The following LPA variants were observed in gnomAD, a reference collection of about 807,000 sequenced individuals.
LPA encodes apolipoprotein(a).
LPA carries 199 observed loss-of-function variants against 197.9 expected under a neutral mutation model. The observed-to-expected ratio is 1.01, with a 90% CI of 0.90 to 1.13. The LOEUF (loss-of-function observed/expected upper bound fraction) is 1.13. Among genes scored for constraint, LPA ranks in the 50% most tolerant of loss-of-function variants. The probability of loss-of-function intolerance (pLI) is 0.00; values close to 1 mark genes in which losing one functional copy is unlikely to be tolerated. For synonymous variants in LPA, 715 were observed against 639.5 expected (o/e 1.12, Z -1.78); for missense variants, 1,853 against 1,785.8 (o/e 1.04, Z -0.68).
Position 160,531,872 on chromosome 6 carries a change from G to C in LPA, c.5980C>G (p.Leu1994Val), listed in dbSNP as rs897240051. 19 of 1,613,942 alleles carry C rather than the reference G, an allele frequency of 1.2e-5. No homozygotes were observed. The highest frequency in any genetic ancestry group is 1.6e-5 in the Non-Finnish European group (19 of 1,179,996). The change falls in exon 39 of 39, where the codon CTG becomes GTG. Residue 1994 changes from leucine (L) to valine (V), a missense_variant. Transcript: ENST00000316300. Reference sequence around the variant, plus strand: ...TATTTGTCCTTCTCGAAGCAAACCAGAGGCCCTCCACTGTCACCCTAAACA... The same window carrying C: ...TATTTGTCCTTCTCGAAGCAAACCACAGGCCCTCCACTGTCACCCTAAACA... ...DSCQGDSGGP[L>V]VCFEKDKYIL...
intron 20 of LPA, among the ~76,000 whole-genome samples, chr6:160,596,853 G>A (rs1562337486): frequency 6.6e-6 from 1 of 152,140 alleles, no homozygotes; most frequent in Non-Finnish European, 1.5e-5. Context: ...GACATTCACT[G>A]CATCTCCTAA....
intron 28 of LPA, among the ~76,000 whole-genome samples, chr6:160,569,938 C>T (rs1187794369): frequency 6.6e-6 from 1 of 152,100 alleles, no homozygotes; most frequent in African/African-American, 2.4e-5. Context: ...CAATGAGATA[C>T]CATCTCATAC....
chr6:160,555,566 T>C (rs1778248998), intron 30 of LPA, among the ~76,000 whole-genome samples: 1 of 150,034 alleles, frequency 6.7e-6, no homozygotes, highest in East Asian at 1.9e-4. Flanking sequence ...TGTATATATA[T>C]ACATACTAGT....
intron 30 of LPA, among the ~76,000 whole-genome samples, chr6:160,552,064 C>T (rs967719482): frequency 6.6e-6 from 1 of 152,062 alleles, no homozygotes; most frequent in Admixed American, 6.6e-5. Context: ...ATGTGCAAGT[C>T]ATCACATCGA....
chr6:160,534,059 C>T (rs1777846581), intron 37 of LPA, among the ~76,000 whole-genome samples: 1 of 152,106 alleles, frequency 6.6e-6, no homozygotes, highest in Non-Finnish European at 1.5e-5. Context: ...CCCCAAAGCC[C>T]TTGACTGCAC....
chr6:160,563,183 C>T (rs76504842), intron 28 of LPA, among the ~76,000 whole-genome samples: 25 of 151,954 alleles, frequency 1.6e-4, no homozygotes, highest in Admixed American at 1.5e-3. Flanking sequence ...AGATCTTTCC[C>T]GCTTTCTCCT....
At chr6:160,605,353 A>G in intron 17 of LPA, 148 bp from the exon 18 acceptor site, 1 of 1,013,952 alleles carries the variant, frequency 9.9e-7, no homozygotes, top group Non-Finnish European at 1.5e-6. Context: ...CTTTATTTGT[A>G]GGCAGATGGA....
rs555197263 is a variant in LPA, at chr6:160,634,570, T to A, written c.1075+553A>T. Among the ~76,000 whole-genome samples the A allele has an allele frequency of 1.6e-3, 223 of 142,912 alleles. 1 individual carries two copies. The highest frequency in any genetic ancestry group is 3.4e-3 in the East Asian group (17 of 5,044). The allele number at this position is 142,912 out of a possible 152,430, so 93.8% of individuals were successfully genotyped here. ...GGTACAAGTGCCATCAGAAAGAGGTTTAAGAACACTGAGAAATCACTCCCT... is the reference window on the plus strand; with the variant it reads ...GGTACAAGTGCCATCAGAAAGAGGTATAAGAACACTGAGAAATCACTCCCT... On this transcript the variant is annotated intron_variant, in intron 7 of 38. Coordinates refer to ENST00000316300, the MANE Select transcript of LPA (RefSeq NM_005577.4).
intron 28 of LPA, among the ~76,000 whole-genome samples, chr6:160,574,460 A>G (rs1006001119): frequency 6.6e-6 from 1 of 151,950 alleles, no homozygotes; most frequent in Non-Finnish European, 1.5e-5. Context: ...GTTCAGGTAG[A>G]GCAGTCCTCC....
chr6:160,579,834 G>C (rs555226752), intron 26 of LPA, among the ~76,000 whole-genome samples: 1 of 152,206 alleles, frequency 6.6e-6, no homozygotes, highest in African/African-American at 2.4e-5. Context: ...ACAACTGGAC[G>C]TATCAAGTGA....
chr6:160,568,182 A>G (rs1446996509), intron 28 of LPA, among the ~76,000 whole-genome samples: 1 of 152,190 alleles, frequency 6.6e-6, no homozygotes, highest in Non-Finnish European at 1.5e-5. Context: ...CAGAGACACA[A>G]CAAAAATGAG....
chr6:160,653,850 A>G lies in LPA; in HGVS notation c.50-3353T>C, dbSNP rs533577354. On this transcript the variant is annotated intron_variant, in intron 1 of 38. Transcript: ENST00000316300. Reference sequence around the variant, plus strand: ...ATTCCTGGGATATAAGGTTGGTTCAATGTATACAAATCAATAAATGAGATT... The same window carrying G: ...ATTCCTGGGATATAAGGTTGGTTCAGTGTATACAAATCAATAAATGAGATT... Among the ~76,000 whole-genome samples the G allele has an allele frequency of 7.2e-5, 10 of 138,950 alleles. No homozygotes were observed. In the East Asian group the frequency reaches 1.7e-3, roughly 23 times the overall value. The allele number at this position is 138,950 out of a possible 152,430, so 91.2% of individuals were successfully genotyped here.
chr6:160,538,989 T>C (rs1419921167), intron 36 of LPA, among the ~76,000 whole-genome samples: 3 of 152,120 alleles, frequency 2.0e-5, no homozygotes, highest in African/African-American at 7.2e-5. Context: ...AAGAGGGAGA[T>C]CAGCTACTGT....
intron 32 of LPA, 151 bp downstream of exon 32, chr6:160,547,638 G>A (rs1469507471): frequency 6.1e-6 from 6 of 986,460 alleles, no homozygotes; most frequent in African/African-American, 4.8e-5. Flanking sequence ...CACACGCGTG[G>A]GGCTTTGCTG....
intron 16 of LPA, among the ~76,000 whole-genome samples, chr6:160,610,870 G>C (rs1243011197): frequency 1.3e-5 from 2 of 152,136 alleles, no homozygotes. Context: ...ACCATCTGTT[G>C]TCCCACATGT....
Position 160,531,707 on chromosome 6 carries a change from C to T in LPA, c.*22G>A, listed in dbSNP as rs780811948. On this transcript the variant is annotated 3_prime_UTR_variant, in exon 39 of 39. Coordinates refer to ENST00000316300, the MANE Select transcript of LPA (RefSeq NM_005577.4). ...GTTTCAGCTTCTAAGTAGGTTGATG[C>T]TTCACTCTGTCTCCCGTCCAATTAA... 6.2e-7 allele frequency: 1 copy of T among 1,613,796 alleles called. No homozygotes were observed.
chr6:160,611,377 G>A (rs1329730350), intron 16 of LPA, among the ~76,000 whole-genome samples, 185 bp downstream of exon 16: 1 of 152,178 alleles, frequency 6.6e-6, no homozygotes, highest in East Asian at 1.9e-4. Flanking sequence ...TAGGAGGAAG[G>A]TGAGGCAGCT....
intron 26 of LPA, among the ~76,000 whole-genome samples, chr6:160,580,289 T>G (rs1778768059): frequency 6.6e-6 from 1 of 152,196 alleles, no homozygotes; most frequent in Non-Finnish European, 1.5e-5. Flanking sequence ...ATGAAACCAT[T>G]TAAATAGTTT....
chr6:160,651,332 T>C (rs894660349), intron 1 of LPA, among the ~76,000 whole-genome samples: 10 of 152,186 alleles, frequency 6.6e-5, no homozygotes, highest in East Asian at 3.9e-4. Flanking sequence ...AGTGCAGGCA[T>C]GCAGTGACTG....
Sources: allele counts gnomAD v4.1 joint callset (sites outside exome capture counted in the v4.1 genomes callset), GRCh38; gene constraint gnomAD v4.1.1; transcripts MANE v1.5; gene names NCBI Gene and HGNC (gene_info 2026-07-23, HGNC 2026-07-21).